The following CCT4 variants were observed in gnomAD, a reference collection of about 807,000 sequenced individuals.
CCT4 encodes T-complex protein 1 subunit delta.
CCT4 carries 17 observed loss-of-function variants against 62.5 expected under a neutral mutation model. That is an observed-to-expected ratio of 0.27 (90% CI 0.19 to 0.41). The LOEUF (loss-of-function observed/expected upper bound fraction) is 0.41. Ranked by LOEUF, CCT4 falls within the 10% of genes least tolerant of loss-of-function variation. The probability of loss-of-function intolerance (pLI) is 1.00; values close to 1 mark genes in which losing one functional copy is unlikely to be tolerated. For synonymous variants in CCT4, 250 were observed against 229.9 expected (o/e 1.09, Z -0.79); for missense variants, 592 against 659.2 (o/e 0.90, Z 1.12).
rs1669101861 is a variant in CCT4 at position 61,881,139 on chromosome 2, G to T, written c.271-745C>A. Among the ~76,000 whole-genome samples, 3 of 152,122 alleles carry T rather than the reference G, an allele frequency of 2.0e-5. No homozygotes were observed. The South Asian group carries it at 6.2e-4, about 31-fold the overall frequency. ...ATAACTGGTGGATGGCACAACATAT[G>T]AAGCCTCAGGACTATCCAAGAAAAC... On this transcript the variant is annotated intron_variant, in intron 3 of 13. Transcript: ENST00000394440.
At chr2:61,877,133 C>G (rs1669018268) in intron 6 of CCT4, 81 bp from the exon 7 acceptor site, 1 of 1,258,848 alleles carries the variant, frequency 7.9e-7, no homozygotes, top group South Asian at 1.3e-5. Flanking sequence ...GATTAAAAGT[C>G]ATCAGTCCAA....
chr2:61,886,200 C>A (rs1460957588), intron 1 of CCT4: 1 of 152,234 alleles, frequency 6.6e-6, no homozygotes, highest in Non-Finnish European at 1.5e-5. Flanking sequence ...CACCTAAGGT[C>A]AGGAGTTCGA....
Position 61,872,478 on chromosome 2 carries a change from A to C in CCT4, c.1236T>G (p.Ile412Met), listed in dbSNP as rs1668904174. ...ATTACCTCTTCTTCACTAAACAACG[A>C]ATAACACATAGGGCATCATGAATGG... is the stretch of plus-strand genomic sequence containing the variant. ...ERSIHDALCVIRCLVKKRALI... is the reference protein window; with the variant it reads ...ERSIHDALCVMRCLVKKRALI... Residue 412 changes from isoleucine (I) to methionine (M), a missense_variant, in exon 11 of 14, where the codon ATT (isoleucine) becomes ATG (methionine). Ile to Met is a conservative substitution (Grantham distance 10). This residue lies in a region of CCT4 where 522 missense variants were observed against 571.2 expected (regional missense o/e 0.91). Transcript: ENST00000394440. The C allele has an allele frequency of 6.2e-7, 1 of 1,613,406 alleles. No homozygotes were observed. The highest frequency in any genetic ancestry group is 1.1e-5 in the South Asian group (1 of 90,954).
rs147830162 is a variant in CCT4, at chr2:61,878,944, A to G, written c.447T>C (p.Thr149=). The change falls in exon 5 of 14, where the codon ACT becomes ACC. Residue 149 remains threonine (T), a synonymous_variant. Coordinates refer to ENST00000394440, the MANE Select transcript of CCT4 (RefSeq NM_006430.4). ...TCAGTTCCACAGGTCGAGACATGTC[A>G]GTCAAGATTTCAATGCCCTTTTCCA... ...KALEKGIEIL[T]DMSRPVELSD... 9 of 1,610,752 alleles carry G rather than the reference A, an allele frequency of 5.6e-6. No individual in the cohort carries two copies. The highest frequency in any genetic ancestry group is 7.6e-6 in the Non-Finnish European group (9 of 1,177,746).
At chr2:61,883,354 T>C in intron 3 of CCT4, 105 bp downstream of exon 3, 1 of 597,926 alleles carries the variant, frequency 1.7e-6, no homozygotes. Context: ...GAGGCAGAGG[T>C]TGCAGTGAGC....
In CCT4 at chr2:61,872,259, T is replaced by C. The variant is rs1668899997; in HGVS notation, c.1314A>G (p.Glu438=). The stretch of plus-strand genomic sequence containing the variant: ...CCATACCACTCAGTGTTCGTGAATA[T>C]TCAGTTAATCGTAGGGCCAACTCTA... The part of the protein sequence containing the change: ...PEIELALRLT[E]YSRTLSGMES... Residue 438 remains glutamate, a synonymous_variant, in exon 12 of 14, where the codon GAA becomes GAG. Coordinates refer to ENST00000394440, the MANE Select transcript of CCT4 (RefSeq NM_006430.4). The C allele has an allele frequency of 6.2e-7, 1 of 1,613,216 alleles. No homozygotes were observed. The highest frequency in any genetic ancestry group is 1.3e-5 in the African/African-American group (1 of 75,042).
At position 61,869,495 on chromosome 2, in the gene CCT4, C is replaced by G. The variant is rs146784040; in HGVS notation, c.1550G>C (p.Ser517Thr). The G allele has an allele frequency of 2.5e-6, 4 of 1,612,832 alleles. No individual in the cohort carries two copies. In the African/African-American group the frequency reaches 4.0e-5, roughly 16 times the overall value. Residue 517 changes from serine (S) to threonine (T), a missense_variant, in exon 13 of 14, where the codon AGT becomes ACT. Around this residue, in one of 3 missense-constraint regions of CCT4, gnomAD observed 522 missense variants for 571.2 expected, o/e 0.91. Transcript: ENST00000394440. ...AGTTTCAGTTGCAAGAGTCAGAGCA[C>G]TGACTGATACCAACAGAGGCTGGAC... is the stretch of plus-strand genomic sequence containing the variant. The part of the protein sequence containing the change: ...LVVQPLLVSV[S>T]ALTLATETVR...
At chr2:61,872,864 T>A in intron 10 of CCT4, 138 bp downstream of exon 10, 1 of 692,002 alleles carries the variant, frequency 1.4e-6, no homozygotes, top group South Asian at 1.8e-5. Flanking sequence ...GAGGCGGAGC[T>A]TGTAGTGAGC....
intron 8 of CCT4, among the ~76,000 whole-genome samples, chr2:61,874,867 G>A (rs945347238): frequency 5.3e-5 from 8 of 151,726 alleles, no homozygotes; most frequent in South Asian, 2.1e-4. Context: ...AGATAGGGCC[G>A]GGCGTGGTGG....
Position 61,872,193 on chromosome 2 carries a change from G to A in CCT4, c.1380C>T (p.Val460=), listed in dbSNP as rs148906306. 14 of 1,613,366 alleles carry A rather than the reference G, an allele frequency of 8.7e-6. 1 individual carries two copies. In the South Asian group the frequency reaches 1.3e-4, roughly 15 times the overall value. The part of the protein sequence containing the change: ...CVRAFADAME[V]IPSTLAENAG... ...CATTTTCAGCTAGTGTAGATGGAAT[G>A]ACCTCCATAGCATCTGCAAAAGCAC... The change falls in exon 12 of 14, where the codon GTC becomes GTT. Residue 460 remains valine, a synonymous_variant. Coordinates refer to ENST00000394440, the MANE Select transcript of CCT4 (RefSeq NM_006430.4).
intron 8 of CCT4, among the ~76,000 whole-genome samples, chr2:61,873,780 G>A (rs1317108250): frequency 6.6e-6 from 1 of 152,076 alleles, no homozygotes; most frequent in Non-Finnish European, 1.5e-5. Context: ...TGGCCACGCT[G>A]GTCTCGAACT....
chr2:61,885,024 T>G lies in CCT4; in HGVS notation c.176A>C (p.Lys59Thr), dbSNP rs767488673. ...TTCAATGACTCAACTCTTTACCATTTTATCCATTCCTTTTGGTCCAAGGCT... is the reference window on the plus strand; with the variant it reads ...TTCAATGACTCAACTCTTTACCATTGTATCCATTCCTTTTGGTCCAAGGCT... ...RTSLGPKGMDKMIQDGKGDVT... is the reference protein window; with the variant it reads ...RTSLGPKGMDTMIQDGKGDVT... The change falls in exon 2 of 14, where the codon AAA becomes ACA. Residue 59 changes from lysine to threonine, a missense_variant. Transcript: ENST00000394440. The G allele has an allele frequency of 1.4e-5, 22 of 1,582,106 alleles. No homozygotes were observed.
At position 61,873,776 on chromosome 2, in the gene CCT4, C is replaced by T. The variant is rs147198432; in HGVS notation, c.918-483G>A. ...AGACGGGGTTTCACCATGTTGGCCACGCTGGTCTCGAACTCCTGACTTCAG... is the reference window on the plus strand; with the variant it reads ...AGACGGGGTTTCACCATGTTGGCCATGCTGGTCTCGAACTCCTGACTTCAG... On this transcript the variant is annotated intron_variant, in intron 8 of 13. Coordinates refer to ENST00000394440, the MANE Select transcript of CCT4 (RefSeq NM_006430.4). 9.0e-3 allele frequency among the ~76,000 whole-genome samples: 1,369 copies of T among 152,068 alleles called. 18 individuals carry two copies. The highest frequency in any genetic ancestry group is 0.031 in the African/African-American group (1,292 of 41,488).
intron 3 of CCT4, among the ~76,000 whole-genome samples, chr2:61,881,231 A>G (rs1425484314): frequency 6.6e-6 from 1 of 152,112 alleles, no homozygotes; most frequent in Non-Finnish European, 1.5e-5. Flanking sequence ...TATGTTCCAA[A>G]TAAGATGCTT....
At chr2:61,886,578 C>T (rs2105143713) in intron 1 of CCT4, among the ~76,000 whole-genome samples, 1 of 152,274 alleles carries the variant, frequency 6.6e-6, no homozygotes, top group South Asian at 2.1e-4. Flanking sequence ...TCACTTGAGG[C>T]CAGGAGTTTA....
rs1668821098 is a variant in CCT4, at chr2:61,868,503, T to C, written c.*189A>G. On this transcript the variant is annotated 3_prime_UTR_variant, in exon 14 of 14. Coordinates refer to ENST00000394440, the MANE Select transcript of CCT4 (RefSeq NM_006430.4). ...ACAGAATGTTGGGAGAAGATAAATC[T>C]GCCTTTTGAAACCAAATATTTAATA... is the stretch of plus-strand genomic sequence containing the variant. 2.0e-6 allele frequency: 1 copy of C among 512,386 alleles called. No individual in the cohort carries two copies. The highest frequency in any genetic ancestry group is 3.3e-5 in the South Asian group (1 of 30,030). 31.7% of individuals were successfully genotyped at this position (512,386 alleles called of 1,614,324 possible).
In CCT4 at chr2:61,872,260, T is replaced by C; in HGVS notation, c.1313A>G (p.Glu438Gly). 14 of 1,613,164 alleles carry C rather than the reference T, an allele frequency of 8.7e-6. No homozygotes were observed. The highest frequency in any genetic ancestry group is 1.2e-5 in the Non-Finnish European group (14 of 1,179,352). ...CATACCACTCAGTGTTCGTGAATATTCAGTTAATCGTAGGGCCAACTCTAT... is the reference window on the plus strand; with the variant it reads ...CATACCACTCAGTGTTCGTGAATATCCAGTTAATCGTAGGGCCAACTCTAT... ...PEIELALRLT[E>G]YSRTLSGMES... The change falls in exon 12 of 14, where the codon GAA (glutamate) becomes GGA (glycine). Residue 438 changes from glutamate (E) to glycine (G), a missense_variant. By Grantham distance (98) the Glu-to-Gly change is moderately conservative. This residue lies in a region of CCT4 where 522 missense variants were observed against 571.2 expected (regional missense o/e 0.91). Transcript: ENST00000394440.
At chr2:61,875,020 T>G (rs1479219745) in intron 8 of CCT4, among the ~76,000 whole-genome samples, 2 of 151,796 alleles carry the variant, frequency 1.3e-5, no homozygotes, top group Admixed American at 6.6e-5. Flanking sequence ...CACATGCCTG[T>G]AATCCCAACT....
Position 61,870,228 on chromosome 2 carries a change from T to C in CCT4, c.1492-675A>G, listed in dbSNP as rs182787294. Among the ~76,000 whole-genome samples the C allele has an allele frequency of 2.0e-3, 302 of 151,990 alleles. 1 individual carries two copies. Among genetic ancestry groups the C allele is most frequent in the African/African-American group, 6.7e-3 (280 of 41,494 alleles). On this transcript the variant is annotated intron_variant, in intron 12 of 13. Transcript: ENST00000394440. ...GGAGGCGGAGTGCAGTGAGCCAAGA[T>C]TGTGCCACTGCACTCCAGCCTGGGT...
Sources: allele counts gnomAD v4.1 joint callset (sites outside exome capture counted in the v4.1 genomes callset), GRCh38; gene constraint gnomAD v4.1.1; regional missense constraint gnomAD v4.1.1; transcripts MANE v1.5; gene names NCBI Gene and HGNC (gene_info 2026-07-23, HGNC 2026-07-21).